The following ZNF786 variants were observed in gnomAD, a reference collection of about 807,000 sequenced individuals.
ZNF786 encodes the protein zinc finger protein 786.
Under a neutral mutation model 63.1 loss-of-function variants are expected in ZNF786, and 56 were observed. The observed-to-expected ratio is 0.89, with a 90% CI of 0.72 to 1.11. The LOEUF (loss-of-function observed/expected upper bound fraction) is 1.11, where lower values mean the gene tolerates loss of function less well. Ranked by LOEUF, ZNF786 falls within the 50% of genes least tolerant of loss-of-function variation. The pLI is 0.00. For missense variants in ZNF786, 1,213 were observed against 1,041.8 expected (o/e 1.16, Z -2.26); for synonymous variants, 485 against 406.9 (o/e 1.19, Z -2.31).
chr7:149,073,747 G>GTGTGTATA (rs1447329296), intron 3 of ZNF786, among the ~76,000 whole-genome samples: 8 of 77,566 alleles, frequency 1.0e-4, no homozygotes, highest in East Asian at 1.1e-3. Flanking sequence ...GTGTGTGTGT[G>GTGTGTATA]TATATATATA....
intron 2 of ZNF786, among the ~76,000 whole-genome samples, chr7:149,077,998 G>A (rs985263869): frequency 9.9e-5 from 15 of 151,696 alleles, no homozygotes; most frequent in Non-Finnish European, 1.9e-4. Flanking sequence ...AAGTAGCTGG[G>A]ATTACAGGCA....
At position 149,070,862 on chromosome 7, in the gene ZNF786, T is replaced by G. The variant is rs754105396; in HGVS notation, c.1910A>C (p.Lys637Thr). ...DKRYRVKADM[K>T]AHQLLHSGEM... ...CCCGCTGTGCAGCAGCTGGTGGGCC[T>G]TCATGTCGGCCTTCACGCGATAGCG... Residue 637 changes from lysine (K) to threonine (T), a missense_variant, in exon 4 of 4, where the codon AAG becomes ACG. Physicochemically the swap from Lys to Thr is moderately conservative, Grantham distance 78. Transcript: ENST00000491431. The G allele has an allele frequency of 1.9e-6, 3 of 1,609,672 alleles. No homozygotes were observed. The highest frequency in any genetic ancestry group is 2.5e-6 in the Non-Finnish European group (3 of 1,178,994).
chr7:149,089,171 C>T (rs982991168), intron 1 of ZNF786, among the ~76,000 whole-genome samples: 1 of 152,090 alleles, frequency 6.6e-6, no homozygotes, highest in Non-Finnish European at 1.5e-5. Context: ...CTAGGATGGT[C>T]TCGATCTCCT....
intron 2 of ZNF786, among the ~76,000 whole-genome samples, chr7:149,077,025 A>C (rs1825563908): frequency 6.6e-6 from 1 of 152,204 alleles, no homozygotes; most frequent in Non-Finnish European, 1.5e-5. Flanking sequence ...GATTGACAAT[A>C]GAGTAGGAAT....
At chr7:149,077,424 G>A (rs772924889) in intron 2 of ZNF786, among the ~76,000 whole-genome samples, 8 of 151,204 alleles carry the variant, frequency 5.3e-5, no homozygotes, top group African/African-American at 7.3e-5. Context: ...TCAGCAGATC[G>A]AGACCATCCT....
rs543540992 is a variant in ZNF786, at chr7:149,071,063, C to A, written c.1709G>T (p.Cys570Phe). ...GGATTGTCTGGTGAAGCCCTTGCCA[C>A]ACTCCCCGCACGAGAACGGCCTCTC... ...SKERPFSCGE[C>F]GKGFTRQSKL... Residue 570 changes from cysteine (C) to phenylalanine (F), a missense_variant, in exon 4 of 4, where the codon TGT (cysteine) becomes TTT (phenylalanine). Physicochemically the swap from Cys to Phe is radical, Grantham distance 205. Transcript: ENST00000491431. 40 of 1,612,310 alleles carry A rather than the reference C, an allele frequency of 2.5e-5. No individual in the cohort carries two copies. The highest frequency in any genetic ancestry group is 3.1e-5 in the Non-Finnish European group (37 of 1,179,758).
At chr7:149,079,563 C>CTTT (rs377025040) in intron 2 of ZNF786, among the ~76,000 whole-genome samples, 7 of 119,438 alleles carry the variant, frequency 5.9e-5, no homozygotes, top group Non-Finnish European at 1.0e-4. Flanking sequence ...GACAGCTACT[C>CTTT]TTTTTTTTTT....
At chr7:149,083,667 T>C (rs1825687560) in intron 1 of ZNF786, among the ~76,000 whole-genome samples, 1 of 152,156 alleles carries the variant, frequency 6.6e-6, no homozygotes, top group Admixed American at 6.6e-5. Context: ...CGATAAGGAA[T>C]TTTTCAGTCC....
At chr7:149,079,336 AAGGCGGAGCTTGCAGTG>A (rs1220932102) in intron 2 of ZNF786, among the ~76,000 whole-genome samples, 2 of 151,694 alleles carry the variant, frequency 1.3e-5, no homozygotes, top group African/African-American at 4.8e-5. Context: ...GTGAACCCGT[AAGGCGGAGCTTGCAGTG>A]AGCTGAGATC....
At chr7:149,073,039 A>G (rs552789527) in intron 3 of ZNF786, among the ~76,000 whole-genome samples, 1 of 152,314 alleles carries the variant, frequency 6.6e-6, no homozygotes, top group East Asian at 1.9e-4. Context: ...TCCTTGAGCC[A>G]TCCTGTCTCT....
intron 1 of ZNF786, chr7:149,082,532 G>A (rs1470549775): frequency 1.1e-6 from 1 of 935,218 alleles, no homozygotes; most frequent in African/African-American, 1.8e-5. Flanking sequence ...CATTGTTATT[G>A]CCATATGTCC....
intron 1 of ZNF786, among the ~76,000 whole-genome samples, chr7:149,085,381 C>T (rs1825718485): frequency 6.6e-6 from 1 of 152,160 alleles, no homozygotes; most frequent in Non-Finnish European, 1.5e-5. Context: ...ACAGTCTGGG[C>T]CACATAGCTA....
chr7:149,075,549 G>A (rs1298456418), intron 2 of ZNF786, among the ~76,000 whole-genome samples: 2 of 150,666 alleles, frequency 1.3e-5, no homozygotes, highest in African/African-American at 4.9e-5. Context: ...CTGGCCAGTG[G>A]TTTAACTTAT....
At position 149,070,789 on chromosome 7, in the gene ZNF786, TG is replaced by T; in HGVS notation, c.1982del (p.Ser661Ter). ...CECGKGFVKHSKLIEHIRTHT... is the reference protein window; with the variant it reads ...CECGKGFVKHXKLIEHIRTHT... ...GCGTTCTGATGTGCTCGATGAGCTT[TG>T]AGTGTTTCACAAAGCCCTTGCCGCA... On this transcript the variant is annotated frameshift_variant, in exon 4 of 4. Coordinates refer to ENST00000491431, the MANE Select transcript of ZNF786 (RefSeq NM_152411.4). LOFTEE classifies it high-confidence loss of function. 4.3e-6 allele frequency: 7 copies of T among 1,613,424 alleles called. No homozygotes were observed. Among genetic ancestry groups the T allele is most frequent in the Non-Finnish European group, 5.9e-6 (7 of 1,179,840 alleles).
Position 149,069,661 on chromosome 7 carries a change from C to T in ZNF786, c.*762G>A, listed in dbSNP as rs547530571. 6.9e-6 allele frequency: 1 copy of T among 144,926 alleles called. No homozygotes were observed. Among genetic ancestry groups the T allele is most frequent in the South Asian group, 2.1e-4 (1 of 4,680 alleles). 9.0% of individuals were successfully genotyped at this position (144,926 alleles called of 1,614,324 possible). ...TTTTTGAGACAGTGTCATACTATGT[C>T]ATCCATACTGGAGTGCAGTGGCACC... On this transcript the variant is annotated 3_prime_UTR_variant, in exon 4 of 4. Coordinates refer to ENST00000491431, the MANE Select transcript of ZNF786 (RefSeq NM_152411.4).
At chr7:149,079,895 C>A (rs1825622490) in intron 2 of ZNF786, among the ~76,000 whole-genome samples, 2 of 150,092 alleles carry the variant, frequency 1.3e-5, no homozygotes, top group Admixed American at 1.3e-4. Context: ...ACACTTCAGG[C>A]CAGGCGTAGT....
At position 149,077,354 on chromosome 7, in the gene ZNF786, G is replaced by A. The variant is rs534874783; in HGVS notation, c.146-2816C>T. On this transcript the variant is annotated intron_variant, in intron 2 of 3. Coordinates refer to ENST00000491431, the MANE Select transcript of ZNF786 (RefSeq NM_152411.4). ...AGATTAAGAAGATGGGTGGCCAGGC[G>A]TGGTGACTCACGCCTGTAATCCCAG... 4.6e-5 allele frequency among the ~76,000 whole-genome samples: 7 copies of A among 152,296 alleles called. No individual in the cohort carries two copies. The East Asian group carries it at 7.7e-4, about 17-fold the overall frequency.
intron 2 of ZNF786, 143 bp downstream of exon 2, chr7:149,080,448 T>C: frequency 1.3e-6 from 1 of 752,480 alleles, no homozygotes; most frequent in Non-Finnish European, 1.9e-6. Context: ...ACAAAAGTAT[T>C]AACAATAGAT....
chr7:149,071,563 G>C lies in ZNF786; in HGVS notation c.1209C>G (p.Thr403=), dbSNP rs1204990728. Residue 403 remains threonine (T), a synonymous_variant, in exon 4 of 4, where the codon ACC becomes ACG. Transcript: ENST00000491431. ...GCAGGCGGCGCAGGCGGAAGCGCTT[G>C]GTGCAATGCGCACACTGGAAGGGCT... is the stretch of plus-strand genomic sequence containing the variant. ...GEKPFQCAHC[T]KRFRLRRLLQ... The C allele has an allele frequency of 2.5e-6, 4 of 1,612,498 alleles. No individual in the cohort carries two copies. The highest frequency in any genetic ancestry group is 3.4e-6 in the Non-Finnish European group (4 of 1,179,706).
Sources: gnomAD v4.1 joint callset for allele counts (sites outside exome capture counted in the v4.1 genomes callset) on GRCh38, gnomAD v4.1.1 for gene constraint, MANE v1.5 for transcripts, NCBI Gene and HGNC (gene_info 2026-07-23, HGNC 2026-07-21) for gene names.